Variants in KMT2E observed in about 807,000 individuals in gnomAD.
The protein encoded by KMT2E is histone reader KMT2E.
In KMT2E, 30 loss-of-function variants were observed where a neutral mutation model predicts 184.6. That is an observed-to-expected ratio of 0.16 (90% CI 0.12 to 0.22). KMT2E has a LOEUF of 0.22. KMT2E is among the 10% of genes least tolerant of loss of function. The pLI is 1.00. For missense variants in KMT2E, 2,023 were observed against 2,237.4 expected, an observed-to-expected ratio of 0.90 and a Z score of 1.93; for synonymous variants, 815 against 776.5, an observed-to-expected ratio of 1.05 and a Z score of -0.82.
At position 105,106,780 on chromosome 7, in the gene KMT2E, AT is replaced by A. The variant is rs1267969571; in HGVS notation, c.2847+12del. On this transcript the variant is annotated intron_variant, in intron 20 of 26. Coordinates refer to ENST00000311117, the MANE Select transcript of KMT2E (RefSeq NM_182931.3). ...AATACCATGCACTTTGAGGTGAGAAATTTTAATGGAGAAAAAAAAATTCAAC... is the reference window on the plus strand; with the variant it reads ...AATACCATGCACTTTGAGGTGAGAAATTTAATGGAGAAAAAAAAATTCAAC... 1 of 1,607,106 alleles carries A rather than the reference AT, an allele frequency of 6.2e-7. No individual in the cohort carries two copies. Among genetic ancestry groups the A allele is most frequent in the African/African-American group, 1.3e-5 (1 of 74,506 alleles).
chr7:105,059,978 G>GTTTTTTTTTTT lies in KMT2E; in HGVS notation c.72-2163_72-2153dup, dbSNP rs67291226. 3.4e-3 allele frequency among the ~76,000 whole-genome samples: 174 copies of GTTTTTTTTTTT among 51,790 alleles called. 39 individuals carry two copies. The highest frequency in any genetic ancestry group is 6.3e-3 in the South Asian group (6 of 952). 34.0% of individuals were successfully genotyped at this position (51,790 alleles called of 152,430 possible). ...GCTGAATATTGATTTTCTTGTTGTTGTTTTTTTTTTTTTTTTTTTTTTTTT... is the reference window on the plus strand; with the variant it reads ...GCTGAATATTGATTTTCTTGTTGTTGTTTTTTTTTTTTTTTTTTTTTTTTTTTTTTTTTTTT... On this transcript the variant is annotated intron_variant, in intron 3 of 26. Coordinates refer to ENST00000311117, the MANE Select transcript of KMT2E (RefSeq NM_182931.3).
intron 1 of KMT2E, among the ~76,000 whole-genome samples, chr7:105,014,994 A>G (rs150066253): frequency 4.6e-4 from 70 of 152,242 alleles, no homozygotes; most frequent in African/African-American, 1.7e-3. Context: ...CTTGACGGGC[A>G]GTCTCTGGTA....
In KMT2E at chr7:105,112,566, G is replaced by C. The variant is rs1369141351; in HGVS notation, c.4810G>C (p.Val1604Leu). ...TSQQTVPGHH[V>L]TPGHFLPSQN... The stretch of plus-strand genomic sequence containing the variant: ...CCAGCAAACAGTTCCAGGACACCAC[G>C]TGACTCCAGGGCATTTTTTGCCCTC... Residue 1604 changes from valine (V) to leucine (L), a missense_variant, in exon 27 of 27, where the codon GTG becomes CTG. Physicochemically the swap from Val to Leu is conservative, Grantham distance 32. Around this residue, in one of 8 missense-constraint regions of KMT2E, gnomAD observed 1,108 missense variants for 1,050.9 expected, o/e 1.05. Coordinates refer to ENST00000311117, the MANE Select transcript of KMT2E (RefSeq NM_182931.3). 1 of 1,613,950 alleles carries C rather than the reference G, an allele frequency of 6.2e-7. No individual in the cohort carries two copies. The highest frequency in any genetic ancestry group is 1.7e-5 in the Admixed American group (1 of 60,010).
chr7:105,046,953 G>C (rs1796133025), intron 3 of KMT2E, among the ~76,000 whole-genome samples: 1 of 152,184 alleles, frequency 6.6e-6, no homozygotes, highest in Non-Finnish European at 1.5e-5. Flanking sequence ...CCAGAATGTA[G>C]TTGTACTTAT....
intron 15 of KMT2E, among the ~76,000 whole-genome samples, chr7:105,097,277 A>AT (rs201313243): frequency 0.041 from 6,180 of 152,174 alleles, 169 homozygotes; most frequent in Non-Finnish European, 0.06. Flanking sequence ...GTTGATGCTG[A>AT]TTTTTTTTGT....
At chr7:105,081,546 G>C in intron 12 of KMT2E, 142 bp from the exon 13 acceptor site, 1 of 605,260 alleles carries the variant, frequency 1.7e-6, no homozygotes, top group Admixed American at 3.4e-5. Context: ...CCAATAGATA[G>C]TTATAAGCCT....
At chr7:105,041,526 C>T (rs560543435) in intron 3 of KMT2E, among the ~76,000 whole-genome samples, 2 of 152,066 alleles carry the variant, frequency 1.3e-5, no homozygotes, top group Admixed American at 6.6e-5. Flanking sequence ...CTCAGCCTCC[C>T]GAGTAGCTGT....
intron 1 of KMT2E, among the ~76,000 whole-genome samples, chr7:105,035,919 T>A (rs750228384): frequency 2.8e-4 from 42 of 152,184 alleles, no homozygotes; most frequent in Non-Finnish European, 4.9e-4. Flanking sequence ...TTTTAATGCA[T>A]TGTTACAGAT....
chr7:105,109,845 T>G (rs1450573517), intron 23 of KMT2E, among the ~76,000 whole-genome samples: 1 of 97,338 alleles, frequency 1.0e-5, no homozygotes, highest in East Asian at 1.3e-3. Flanking sequence ...AAGATTAACT[T>G]TTTTTTTTTT....
In KMT2E at chr7:105,112,787, A is replaced by AGC; in HGVS notation, c.5031_5032insGC (p.Pro1678AlafsTer35). ...ATTCTCAAACTGCTGGACACCACTTACCCCCACCCCCACCCCCTCCTGGTC... is the reference window on the plus strand; with the variant it reads ...ATTCTCAAACTGCTGGACACCACTTAGCCCCCCACCCCCACCCCCTCCTGGTC... On this transcript the variant is annotated frameshift_variant, in exon 27 of 27. Coordinates refer to ENST00000311117, the MANE Select transcript of KMT2E (RefSeq NM_182931.3). LOFTEE classifies it high-confidence loss of function. 2.1e-6 allele frequency: 3 copies of AGC among 1,462,822 alleles called. No individual in the cohort carries two copies. Among genetic ancestry groups the AGC allele is most frequent in the South Asian group, 1.2e-5 (1 of 86,788 alleles). The allele number at this position is 1,462,822 out of a possible 1,614,324, so 90.6% of individuals were successfully genotyped here.
intron 1 of KMT2E, among the ~76,000 whole-genome samples, chr7:105,018,197 A>G (rs943753312): frequency 2.6e-5 from 4 of 152,332 alleles, no homozygotes; most frequent in African/African-American, 9.6e-5. Context: ...AAACCCTAAC[A>G]GCTCTGCATT....
rs950671662 is a variant in KMT2E at position 105,022,139 on chromosome 7, A to G, written c.-189+7604A>G. Among the ~76,000 whole-genome samples the G allele has an allele frequency of 3.3e-5, 5 of 152,202 alleles. No individual in the cohort carries two copies. In the East Asian group the frequency reaches 9.6e-4, roughly 29 times the overall value. ...GAACACGCATGTTTTCCTAAGTAAC[A>G]GAGTAGTTGTCAAATTCAGGAAATT... is the stretch of plus-strand genomic sequence containing the variant. On this transcript the variant is annotated intron_variant, in intron 1 of 26. Coordinates refer to ENST00000311117, the MANE Select transcript of KMT2E (RefSeq NM_182931.3).
At chr7:105,030,061 G>A (rs1036591236) in intron 1 of KMT2E, among the ~76,000 whole-genome samples, 1 of 152,178 alleles carries the variant, frequency 6.6e-6, no homozygotes, top group Non-Finnish European at 1.5e-5. Flanking sequence ...TCAAATAGAT[G>A]ATCTAATTGT....
chr7:105,076,273 T>C (rs772694958), intron 9 of KMT2E, among the ~76,000 whole-genome samples, 192 bp downstream of exon 9: 9 of 152,208 alleles, frequency 5.9e-5, no homozygotes, highest in Middle Eastern at 3.2e-3. Context: ...TGTTAAAATA[T>C]TAATCAAAAG....
intron 3 of KMT2E, among the ~76,000 whole-genome samples, chr7:105,052,250 T>G (rs776503993): frequency 2.6e-5 from 4 of 152,238 alleles, no homozygotes; most frequent in African/African-American, 4.8e-5. Context: ...CCTTAGGGAC[T>G]TTGTACTCGT....
intron 1 of KMT2E, among the ~76,000 whole-genome samples, chr7:105,021,548 T>A (rs1794952657): frequency 6.6e-6 from 1 of 152,198 alleles, no homozygotes; most frequent in Non-Finnish European, 1.5e-5. Context: ...TCACATAATT[T>A]ATTTGAAGAA....
At chr7:105,015,619 G>A (rs1794684464) in intron 1 of KMT2E, among the ~76,000 whole-genome samples, 1 of 152,114 alleles carries the variant, frequency 6.6e-6, no homozygotes, top group African/African-American at 2.4e-5. Flanking sequence ...CAATTTCTGA[G>A]ATGGGGAGTA....
chr7:105,076,738 A>G (rs190074880), intron 9 of KMT2E, among the ~76,000 whole-genome samples: 1 of 152,302 alleles, frequency 6.6e-6, no homozygotes, highest in African/African-American at 2.4e-5. Context: ...GTCACATTAA[A>G]TAGGATGTGG....
chr7:105,065,865 G>C (rs1471957603), intron 5 of KMT2E, among the ~76,000 whole-genome samples: 1 of 152,124 alleles, frequency 6.6e-6, no homozygotes, highest in East Asian at 1.9e-4. Context: ...TTTGGAGTCA[G>C]GCATATATAT....
Sources: gnomAD v4.1 joint callset for allele counts (sites outside exome capture counted in the v4.1 genomes callset) on GRCh38, gnomAD v4.1.1 for gene constraint, gnomAD v4.1.1 regional missense constraint, MANE v1.5 for transcripts, NCBI Gene and HGNC (gene_info 2026-07-23, HGNC 2026-07-21) for gene names.